Variants in LRGUK observed in about 807,000 individuals in gnomAD.
LRGUK encodes leucine rich repeats and guanylate kinase domain containing, also known as leucine-rich repeat and guanylate kinase domain-containing protein.
Under a neutral mutation model 76.0 loss-of-function variants are expected in LRGUK, and 65 were observed. The ratio of observed to expected loss-of-function variants is 0.85; its 90% confidence interval spans 0.70 to 1.05. The LOEUF is 1.05. LRGUK is among the 50% of genes least tolerant of loss of function. The pLI is 0.00. For synonymous variants in LRGUK, 268 were observed against 265.6 expected (o/e 1.01, Z -0.09); for missense variants, 758 against 732.8 (o/e 1.03, Z -0.40).
intron 19 of LRGUK, among the ~76,000 whole-genome samples, chr7:134,263,227 G>T (rs1802781488): frequency 6.6e-6 from 1 of 152,046 alleles, no homozygotes; most frequent in South Asian, 2.1e-4. Flanking sequence ...TCTTACCAGT[G>T]AGAATTCTGC....
chr7:134,252,323 C>A (rs1005547758), intron 18 of LRGUK, among the ~76,000 whole-genome samples: 4 of 150,366 alleles, frequency 2.7e-5, no homozygotes, highest in South Asian at 4.2e-4. Context: ...GAGTGACAGA[C>A]CCTGTCTCAA....
At chr7:134,271,084 T>G in the LRGUK span, among the ~76,000 whole-genome samples, 29 of 152,176 alleles carry the variant, frequency 1.9e-4, no homozygotes, top group African/African-American at 5.5e-4. Context: ...ACCTTTTAAA[T>G]AAGCTTATTG....
At chr7:134,141,042 C>T (rs1176279604) in intron 3 of LRGUK, among the ~76,000 whole-genome samples, 1 of 152,104 alleles carries the variant, frequency 6.6e-6, no homozygotes, top group Non-Finnish European at 1.5e-5. Flanking sequence ...TAGGAAATCG[C>T]GGAGTGGTGG....
intron 11 of LRGUK, among the ~76,000 whole-genome samples, chr7:134,189,875 G>A (rs1406535385): frequency 1.3e-5 from 2 of 152,172 alleles, no homozygotes; most frequent in African/African-American, 4.8e-5. Flanking sequence ...ATTTAAATAT[G>A]ATGTTAAGAC....
In LRGUK at chr7:134,173,202, A is replaced by G. The variant is rs1799331500; in HGVS notation, c.940-1354A>G. Among the ~76,000 whole-genome samples the G allele has an allele frequency of 2.0e-5, 3 of 152,236 alleles. No individual in the cohort carries two copies. In the South Asian group the frequency reaches 6.2e-4, roughly 32 times the overall value. On this transcript the variant is annotated intron_variant, in intron 7 of 15. Transcript: ENST00000645682. The stretch of plus-strand genomic sequence containing the variant: ...GTGTATAATAGTATAACGTTGCTCT[A>G]ACAAGATTAATGTGTTCAGGTTGTA...
intron 16 of LRGUK, among the ~76,000 whole-genome samples, chr7:134,225,612 C>G (rs1185084055): frequency 6.6e-6 from 1 of 152,308 alleles, no homozygotes; most frequent in African/African-American, 2.4e-5. Context: ...CAGATTCACT[C>G]TTAAGAAATT....
chr7:134,173,886 G>A (rs1473162763), intron 7 of LRGUK, among the ~76,000 whole-genome samples: 1 of 152,086 alleles, frequency 6.6e-6, no homozygotes, highest in Non-Finnish European at 1.5e-5. Flanking sequence ...TGTGGCAGGC[G>A]GATCACAAGG....
At chr7:134,133,022 G>T (rs989521316) in intron 1 of LRGUK, among the ~76,000 whole-genome samples, 1 of 152,180 alleles carries the variant, frequency 6.6e-6, no homozygotes, top group African/African-American at 2.4e-5. Context: ...TCATAGCAAA[G>T]AGGCCCAGCT....
intron 1 of LRGUK, among the ~76,000 whole-genome samples, chr7:134,133,731 C>T (rs1405178356): frequency 6.6e-6 from 1 of 152,038 alleles, no homozygotes; most frequent in African/African-American, 2.4e-5. Context: ...AACCAGGGAA[C>T]AAGGATCAGA....
At chr7:134,223,266 C>T (rs1206169435) in intron 16 of LRGUK, among the ~76,000 whole-genome samples, 3 of 152,178 alleles carry the variant, frequency 2.0e-5, no homozygotes, top group African/African-American at 7.2e-5. Context: ...CGGCAACTTC[C>T]TTCCATCTCT....
At chr7:134,185,754 T>G (rs1205104967) in intron 11 of LRGUK, among the ~76,000 whole-genome samples, 1 of 152,118 alleles carries the variant, frequency 6.6e-6, no homozygotes, top group African/African-American at 2.4e-5. Flanking sequence ...AAAACTTCCT[T>G]CCCTGAAGCT....
chr7:134,154,161 G>A (rs963031394), intron 5 of LRGUK, among the ~76,000 whole-genome samples: 2 of 152,208 alleles, frequency 1.3e-5, no homozygotes, highest in African/African-American at 2.4e-5. Flanking sequence ...AATGCGGTAT[G>A]ATGATTTTGA....
chr7:134,200,894 T>C (rs1270156131), intron 14 of LRGUK, among the ~76,000 whole-genome samples: 2 of 151,784 alleles, frequency 1.3e-5, no homozygotes, highest in Non-Finnish European at 2.9e-5. Flanking sequence ...ATCTGAAGGC[T>C]CTGGGGATAA....
chr7:134,135,660 G>A (rs1797492688), intron 1 of LRGUK, among the ~76,000 whole-genome samples: 1 of 152,192 alleles, frequency 6.6e-6, no homozygotes, highest in Admixed American at 6.5e-5. Flanking sequence ...CTGAAGCCAT[G>A]TGCTGCCTCC....
intron 12 of LRGUK, among the ~76,000 whole-genome samples, chr7:134,192,480 T>C (rs1281642396): frequency 6.6e-6 from 1 of 152,206 alleles, no homozygotes; most frequent in Non-Finnish European, 1.5e-5. Context: ...CATTTGTTTG[T>C]TTTTTACTGA....
chr7:134,158,318 G>A (rs1798571782), intron 6 of LRGUK, among the ~76,000 whole-genome samples, 159 bp downstream of exon 6: 1 of 152,120 alleles, frequency 6.6e-6, no homozygotes, highest in African/African-American at 2.4e-5. Context: ...TACCATTTGT[G>A]TGTGTGTGTG....
intron 6 of LRGUK, among the ~76,000 whole-genome samples, chr7:134,163,091 G>C (rs906926549): frequency 2.0e-5 from 3 of 152,130 alleles, no homozygotes; most frequent in Non-Finnish European, 4.4e-5. Flanking sequence ...TACACTTCAG[G>C]TGTGCAATGT....
At chr7:134,231,776 G>C (rs76086643) in intron 16 of LRGUK, among the ~76,000 whole-genome samples, 2,230 of 60,442 alleles carry the variant, frequency 0.037, 154 homozygotes, top group African/African-American at 0.17. Context: ...TCCTTCCTCC[G>C]TCCGTCCCTC....
chr7:134,209,100 G>C (rs1247033247), exon 16 of LRGUK: 4 of 398,938 alleles, frequency 1.0e-5, no homozygotes, highest in Non-Finnish European at 8.8e-6. Context: ...AGTGAGGTTG[G>C]GCAGTCTCCC....
Sources: allele counts gnomAD v4.1 joint callset (sites outside exome capture counted in the v4.1 genomes callset), GRCh38; gene constraint gnomAD v4.1.1; transcripts MANE v1.5; gene names NCBI Gene and HGNC (gene_info 2026-07-23, HGNC 2026-07-21).